The following SPIDR variants were observed in gnomAD, a reference collection of about 807,000 sequenced individuals.
SPIDR encodes DNA repair-scaffolding protein.
SPIDR carries 93 observed loss-of-function variants against 104.6 expected under a neutral mutation model. The ratio of observed to expected loss-of-function variants is 0.89; its 90% CI spans 0.75 to 1.06. The LOEUF (loss-of-function observed/expected upper bound fraction) is 1.06, where lower values mean the gene tolerates loss of function less well. Ranked by LOEUF, SPIDR falls within the 50% of genes least tolerant of loss-of-function variation. SPIDR has a pLI of 0.00. For synonymous variants in SPIDR, 431 were observed against 416.9 expected (o/e 1.03, Z -0.41); for missense variants, 1,154 against 1,111.2 (o/e 1.04, Z -0.55).
At chr8:47,735,220 C>T in intron 19 of SPIDR, 87 bp from the exon 20 acceptor site, 7 of 1,325,466 alleles carry the variant, frequency 5.3e-6, no homozygotes, top group South Asian at 1.2e-5. Flanking sequence ...AAAGGGCCTT[C>T]CACTCTGGCT....
chr8:47,457,738 C>T (rs376259136), intron 8 of SPIDR, among the ~76,000 whole-genome samples: 45 of 152,232 alleles, frequency 3.0e-4, no homozygotes, highest in African/African-American at 1.1e-3. Flanking sequence ...AGATTGAAGT[C>T]CTTGATCCAT....
intron 8 of SPIDR, among the ~76,000 whole-genome samples, chr8:47,500,897 G>A (rs2080300955): frequency 6.6e-6 from 1 of 152,148 alleles, no homozygotes; most frequent in Non-Finnish European, 1.5e-5. Context: ...TATTAAATAG[G>A]GAATCCTTTC....
intron 19 of SPIDR, among the ~76,000 whole-genome samples, chr8:47,731,547 G>A (rs569615271): frequency 6.6e-6 from 1 of 152,380 alleles, no homozygotes; most frequent in Non-Finnish European, 1.5e-5. Context: ...GATGAGTGCA[G>A]TGCCCAAGGC....
At chr8:47,630,874 C>T (rs1253733331) in intron 10 of SPIDR, among the ~76,000 whole-genome samples, 1 of 152,138 alleles carries the variant, frequency 6.6e-6, no homozygotes, top group Non-Finnish European at 1.5e-5. Flanking sequence ...TTTATTATGC[C>T]CTGTTGACTC....
intron 8 of SPIDR, among the ~76,000 whole-genome samples, chr8:47,452,676 A>C (rs1554706909): frequency 6.6e-6 from 1 of 152,212 alleles, no homozygotes; most frequent in Admixed American, 6.5e-5. Flanking sequence ...TCATGCTAAA[A>C]ACTCTCAATA....
chr8:47,490,005 G>T (rs186327056), intron 8 of SPIDR, among the ~76,000 whole-genome samples: 1 of 152,044 alleles, frequency 6.6e-6, no homozygotes, highest in Non-Finnish European at 1.5e-5. Context: ...GACAAATGGG[G>T]TCTAATTAAA....
intron 8 of SPIDR, among the ~76,000 whole-genome samples, chr8:47,526,696 A>G (rs966549587): frequency 2.6e-5 from 4 of 152,184 alleles, no homozygotes. Flanking sequence ...CAGTGTTTAA[A>G]TAGGTCAAAA....
At chr8:47,408,185 G>T (rs754971627) in intron 7 of SPIDR, among the ~76,000 whole-genome samples, 2 of 151,988 alleles carry the variant, frequency 1.3e-5, no homozygotes, top group Non-Finnish European at 2.9e-5. Context: ...CACAATCTGT[G>T]CTATAAATCT....
chr8:47,431,058 A>T (rs2067275800), intron 7 of SPIDR, among the ~76,000 whole-genome samples: 2 of 152,184 alleles, frequency 1.3e-5, no homozygotes, highest in Non-Finnish European at 2.9e-5. Context: ...TGACGTAAAG[A>T]GCAGACAGTT....
chr8:47,707,444 T>C (rs972399626), intron 14 of SPIDR, among the ~76,000 whole-genome samples: 1 of 152,146 alleles, frequency 6.6e-6, no homozygotes, highest in Non-Finnish European at 1.5e-5. Flanking sequence ...TGTTTGTTGG[T>C]TTATTGTTGA....
intron 5 of SPIDR, among the ~76,000 whole-genome samples, chr8:47,328,571 A>G (rs568799337): frequency 8.6e-5 from 13 of 152,030 alleles, no homozygotes; most frequent in Non-Finnish European, 1.9e-4. Flanking sequence ...ATTTTTTTGA[A>G]TATGGAAATC....
intron 5 of SPIDR, among the ~76,000 whole-genome samples, chr8:47,334,446 A>C (rs1304543274): frequency 6.6e-6 from 1 of 152,210 alleles, no homozygotes; most frequent in Non-Finnish European, 1.5e-5. Context: ...CTCTGTTGAT[A>C]GGTATATACA....
At chr8:47,303,864 A>G (rs2042669811) in intron 5 of SPIDR, among the ~76,000 whole-genome samples, 1 of 152,250 alleles carries the variant, frequency 6.6e-6, no homozygotes, top group East Asian at 1.9e-4. Context: ...TTTAGTAGAG[A>G]CAGGGTTTCA....
intron 10 of SPIDR, among the ~76,000 whole-genome samples, chr8:47,638,588 C>T (rs1041409956): frequency 6.6e-5 from 10 of 152,300 alleles, no homozygotes; most frequent in Middle Eastern, 3.4e-3. Context: ...AGGAAAAGAT[C>T]CTTTTCTCAA....
At chr8:47,315,094 A>G (rs1312532072) in intron 5 of SPIDR, among the ~76,000 whole-genome samples, 1 of 152,178 alleles carries the variant, frequency 6.6e-6, no homozygotes, top group Non-Finnish European at 1.5e-5. Flanking sequence ...AAATTTGTAT[A>G]TACCTAATAA....
At chr8:47,270,412 T>C (rs2035054064) in intron 1 of SPIDR, among the ~76,000 whole-genome samples, 1 of 152,146 alleles carries the variant, frequency 6.6e-6, no homozygotes, top group African/African-American at 2.4e-5. Context: ...TTTGTTGGTA[T>C]GTAGTTCATA....
At position 47,291,224 on chromosome 8, in the gene SPIDR, A is replaced by G. The variant is rs372533794; in HGVS notation, c.361+87A>G. The G allele has an allele frequency of 2.8e-4, 237 of 836,792 alleles. 3 individuals are homozygous for G. In the African/African-American group the frequency reaches 3.1e-3, roughly 11 times the overall value. 51.8% of individuals were successfully genotyped at this position (836,792 alleles called of 1,614,324 possible). On this transcript the variant is annotated intron_variant, in intron 4 of 19. Coordinates refer to ENST00000297423, the MANE Select transcript of SPIDR (RefSeq NM_001080394.4). ...TCAGAGTAATGAAGGTAAATTGATA[A>G]TTTTGTTAGGAATCCAGTTTCTGTT...
chr8:47,572,927 G>A (rs993880355), intron 8 of SPIDR, among the ~76,000 whole-genome samples: 28 of 152,092 alleles, frequency 1.8e-4, no homozygotes, highest in African/African-American at 5.6e-4. Flanking sequence ...GAAGAGAAGC[G>A]TGCTAAATAA....
At chr8:47,651,035 C>T (rs962833650) in intron 10 of SPIDR, among the ~76,000 whole-genome samples, 1 of 151,974 alleles carries the variant, frequency 6.6e-6, no homozygotes, top group African/African-American at 2.4e-5. Context: ...TCTGGACATC[C>T]CCTAAGCAAA....
Sources: allele counts gnomAD v4.1 joint callset (sites outside exome capture counted in the v4.1 genomes callset), GRCh38; gene constraint gnomAD v4.1.1; transcripts MANE v1.5; gene names NCBI Gene and HGNC (gene_info 2026-07-23, HGNC 2026-07-21).